The following CDH12 variants were observed in gnomAD, a reference collection of about 807,000 sequenced individuals.
CDH12 encodes the protein cadherin 12, also known as cadherin-12.
A neutral mutation model predicts 74.1 loss-of-function variants in CDH12; 41 were observed. That is an observed-to-expected ratio of 0.55 (90% CI 0.43 to 0.72). CDH12 has a LOEUF of 0.72. CDH12 is among the 30% of genes least tolerant of loss of function. The pLI is 0.00. For synonymous variants in CDH12, 399 were observed against 355.0 expected, an observed-to-expected ratio of 1.12 and a Z score of -1.39; for missense variants, 945 against 977.2, an observed-to-expected ratio of 0.97 and a Z score of 0.44.
At chr5:22,037,575 T>C (rs1301606396) in intron 5 of CDH12, among the ~76,000 whole-genome samples, 1 of 152,290 alleles carries the variant, frequency 6.6e-6, no homozygotes, top group East Asian at 1.9e-4. Flanking sequence ...CCTACAGAAC[T>C]GTAAGATATT....
chr5:22,374,794 C>CA (rs1310958676), intron 3 of CDH12, among the ~76,000 whole-genome samples: 5 of 150,744 alleles, frequency 3.3e-5, no homozygotes, highest in Non-Finnish European at 7.4e-5. Context: ...AACACTAATG[C>CA]AAAAAATTGA....
chr5:21,778,466 C>CAAAAAAAAAAAAAAAAAAAA (rs70957061), intron 11 of CDH12, among the ~76,000 whole-genome samples: 2 of 52,614 alleles, frequency 3.8e-5, no homozygotes, highest in Non-Finnish European at 6.3e-5. Flanking sequence ...GCATATAAGC[C>CAAAAAAAAAAAAAAAAAAAA]AAAAAAAAAA....
At chr5:22,811,421 G>C (rs1749144383) in intron 1 of CDH12, among the ~76,000 whole-genome samples, 1 of 152,086 alleles carries the variant, frequency 6.6e-6, no homozygotes, top group South Asian at 2.1e-4. Flanking sequence ...TTCAGTGGCG[G>C]AAGTTGCTTT....
chr5:22,830,764 A>G (rs1233422266), intron 1 of CDH12, among the ~76,000 whole-genome samples: 1 of 151,712 alleles, frequency 6.6e-6, no homozygotes, highest in Non-Finnish European at 1.5e-5. Flanking sequence ...TTATTTTATT[A>G]TATTAACTTA....
chr5:22,669,447 T>A (rs751358077), intron 1 of CDH12, among the ~76,000 whole-genome samples: 1 of 152,158 alleles, frequency 6.6e-6, no homozygotes, highest in Non-Finnish European at 1.5e-5. Context: ...ATACATATTC[T>A]CCCCTTCTTG....
chr5:22,261,073 G>T (rs7721440), intron 3 of CDH12, among the ~76,000 whole-genome samples: 1 of 150,084 alleles, frequency 6.7e-6, no homozygotes, highest in East Asian at 2.0e-4. Flanking sequence ...GTGTGTGTGT[G>T]TATATACACA....
chr5:21,840,027 A>C (rs956317133), intron 8 of CDH12, among the ~76,000 whole-genome samples: 4 of 152,182 alleles, frequency 2.6e-5, no homozygotes, highest in African/African-American at 9.7e-5. Context: ...AAACTATAGC[A>C]ATTTTCATCT....
intron 5 of CDH12, among the ~76,000 whole-genome samples, chr5:21,997,852 G>A (rs2150141275): frequency 6.6e-6 from 1 of 152,172 alleles, no homozygotes; most frequent in Admixed American, 6.5e-5. Context: ...TGATTATTTA[G>A]GATTGCCTGT....
At chr5:22,111,045 C>T (rs954721800) in intron 4 of CDH12, among the ~76,000 whole-genome samples, 1 of 152,248 alleles carries the variant, frequency 6.6e-6, no homozygotes, top group African/African-American at 2.4e-5. Flanking sequence ...CTTGAGTGCG[C>T]AACCATGGAT....
intron 6 of CDH12, among the ~76,000 whole-genome samples, chr5:21,915,177 A>G (rs1754030727): frequency 6.6e-6 from 1 of 152,146 alleles, no homozygotes; most frequent in Non-Finnish European, 1.5e-5. Flanking sequence ...TGAAAGTATA[A>G]TTCCGATCTT....
At chr5:21,764,911 G>A in intron 12 of CDH12, 67 bp downstream of exon 12, 5 of 1,458,298 alleles carry the variant, frequency 3.4e-6, no homozygotes, top group Non-Finnish European at 4.8e-6. Context: ...TTCATGTCTG[G>A]ACTTATAACT....
chr5:21,831,287 CTGTATCATACA>C (rs1204674178), intron 8 of CDH12, among the ~76,000 whole-genome samples: 1 of 152,132 alleles, frequency 6.6e-6, no homozygotes, highest in Admixed American at 6.6e-5. Context: ...TTACGTTCTG[CTGTATCATACA>C]TGTAACTACA....
At chr5:22,261,514 G>T (rs534427159) in intron 3 of CDH12, among the ~76,000 whole-genome samples, 1 of 152,052 alleles carries the variant, frequency 6.6e-6, no homozygotes, top group African/African-American at 2.4e-5. Flanking sequence ...CTCTTTGGAG[G>T]TTTATAATAA....
At chr5:22,242,883 T>C (rs1752800472) in intron 3 of CDH12, among the ~76,000 whole-genome samples, 1 of 152,186 alleles carries the variant, frequency 6.6e-6, no homozygotes, top group South Asian at 2.1e-4. Context: ...AAAGTCAACT[T>C]CTTTTCTCTC....
intron 1 of CDH12, among the ~76,000 whole-genome samples, chr5:22,527,350 G>A (rs1459289971): frequency 1.3e-5 from 2 of 152,010 alleles, no homozygotes; most frequent in African/African-American, 2.4e-5. Flanking sequence ...TTATAGTTCA[G>A]GTTAGACTTT....
At chr5:22,049,659 T>C (rs1474873382) in intron 5 of CDH12, among the ~76,000 whole-genome samples, 1 of 152,162 alleles carries the variant, frequency 6.6e-6, no homozygotes, top group Non-Finnish European at 1.5e-5. Context: ...TCTAAAATTC[T>C]CTCTTCATTA....
At chr5:22,596,235 T>A (rs1736599402) in intron 1 of CDH12, among the ~76,000 whole-genome samples, 1 of 151,930 alleles carries the variant, frequency 6.6e-6, no homozygotes, top group Non-Finnish European at 1.5e-5. Context: ...GCCAGGATTT[T>A]AAGACCAGCC....
At chr5:22,711,690 C>G (rs1473763251) in intron 1 of CDH12, among the ~76,000 whole-genome samples, 10 of 151,896 alleles carry the variant, frequency 6.6e-5, no homozygotes, top group African/African-American at 2.4e-4. Context: ...TTTTTTATTG[C>G]TTTTCTGAAA....
intron 3 of CDH12, among the ~76,000 whole-genome samples, chr5:22,227,096 C>G (rs148910779): frequency 4.6e-5 from 7 of 152,176 alleles, no homozygotes; most frequent in Non-Finnish European, 7.4e-5. Context: ...TACAAGTTAA[C>G]ACGTCTGGAT....
Sources: gnomAD v4.1 joint callset for allele counts (sites outside exome capture counted in the v4.1 genomes callset) on GRCh38, gnomAD v4.1.1 for gene constraint, MANE v1.5 for transcripts, NCBI Gene and HGNC (gene_info 2026-07-23, HGNC 2026-07-21) for gene names.